The following TSPAN5 variants were observed in gnomAD, a reference collection of about 807,000 sequenced individuals.
TSPAN5 encodes the protein tetraspanin 5.
In TSPAN5, 10 loss-of-function variants were observed where a neutral mutation model predicts 37.1. That is an observed-to-expected ratio of 0.27 (90% CI 0.17 to 0.46). The LOEUF (loss-of-function observed/expected upper bound fraction) is 0.46, where lower values mean the gene tolerates loss of function less well. TSPAN5 is among the 20% of genes least tolerant of loss of function. The probability of loss-of-function intolerance (pLI) is 1.00; values close to 1 mark genes in which losing one functional copy is unlikely to be tolerated. For missense variants in TSPAN5, 195 were observed against 326.6 expected, an observed-to-expected ratio of 0.60 and a Z score of 3.11; for synonymous variants, 110 against 118.9, an observed-to-expected ratio of 0.93 and a Z score of 0.48.
chr4:98,549,278 A>AT (rs1244730180), intron 1 of TSPAN5, among the ~76,000 whole-genome samples: 1 of 142,038 alleles, frequency 7.0e-6, no homozygotes, highest in African/African-American at 2.9e-5. Flanking sequence ...TGGTTGTTTT[A>AT]TTTTTGTTTG....
At position 98,573,475 on chromosome 4, in the gene TSPAN5, A is replaced by T. The variant is rs1755170258; in HGVS notation, c.82-65747T>A. Among the ~76,000 whole-genome samples the T allele has an allele frequency of 2.0e-5, 3 of 152,298 alleles. No individual in the cohort carries two copies. In the South Asian group the frequency reaches 6.2e-4, roughly 32 times the overall value. On this transcript the variant is annotated intron_variant, in intron 1 of 7. Transcript: ENST00000305798. ...GGTCTCGAACTCCTGCGCTCAAGTG[A>T]TCCTCCCATCTTGGCCTCCCAAAGT... is the stretch of plus-strand genomic sequence containing the variant.
intron 2 of TSPAN5, chr4:98,496,756 G>T (rs1753221815): frequency 6.6e-6 from 1 of 152,232 alleles, no homozygotes; most frequent in South Asian, 2.1e-4. Context: ...CAGCCTTTCA[G>T]AAATCACCCA....
chr4:98,656,696 C>T (rs1757301573), intron 1 of TSPAN5, among the ~76,000 whole-genome samples: 1 of 152,148 alleles, frequency 6.6e-6, no homozygotes, highest in African/African-American at 2.4e-5. Context: ...CCCTCATTAT[C>T]TTTATTAGTC....
intron 1 of TSPAN5, among the ~76,000 whole-genome samples, chr4:98,592,573 C>T (rs1345050254): frequency 7.0e-6 from 1 of 143,496 alleles, no homozygotes; most frequent in Admixed American, 6.9e-5. Context: ...TCTCCCAATG[C>T]TATCCCTCCC....
chr4:98,545,663 G>A (rs1754452705), intron 1 of TSPAN5, among the ~76,000 whole-genome samples: 1 of 152,030 alleles, frequency 6.6e-6, no homozygotes, highest in African/African-American at 2.4e-5. Flanking sequence ...TCAAGTAGCT[G>A]TGACTACTGG....
chr4:98,512,264 A>G (rs1334343658), intron 1 of TSPAN5, among the ~76,000 whole-genome samples: 1 of 152,204 alleles, frequency 6.6e-6, no homozygotes, highest in Non-Finnish European at 1.5e-5. Context: ...AAGATCATAA[A>G]GGTGCCTGAG....
At chr4:98,539,958 C>T (rs537232427) in intron 1 of TSPAN5, among the ~76,000 whole-genome samples, 30 of 152,136 alleles carry the variant, frequency 2.0e-4, no homozygotes, top group South Asian at 8.3e-4. Context: ...ATGGCAAGAA[C>T]TGAAGTCTCC....
intron 1 of TSPAN5, among the ~76,000 whole-genome samples, chr4:98,589,448 T>C (rs939834518): frequency 2.7e-4 from 41 of 152,114 alleles, no homozygotes; most frequent in Non-Finnish European, 7.4e-5. Context: ...CCTGTGATGA[T>C]GGCCCTAGCA....
chr4:98,520,668 A>T (rs1230681339), intron 1 of TSPAN5, among the ~76,000 whole-genome samples: 1 of 152,248 alleles, frequency 6.6e-6, no homozygotes. Context: ...CACCTGCTGC[A>T]ATGTCACAAG....
intron 1 of TSPAN5, among the ~76,000 whole-genome samples, chr4:98,534,858 T>G (rs758474401): frequency 6.6e-6 from 1 of 152,090 alleles, no homozygotes; most frequent in East Asian, 1.9e-4. Flanking sequence ...TGTTTGTTTG[T>G]TTGGTTTTGG....
chr4:98,536,586 A>AGCT (rs1754238516), intron 1 of TSPAN5, among the ~76,000 whole-genome samples: 1 of 152,232 alleles, frequency 6.6e-6, no homozygotes, highest in African/African-American at 2.4e-5. Flanking sequence ...AGTCTGCTGA[A>AGCT]GCTGCGCCCA....
At chr4:98,590,113 C>G (rs1430718955) in intron 1 of TSPAN5, among the ~76,000 whole-genome samples, 1 of 152,016 alleles carries the variant, frequency 6.6e-6, no homozygotes, top group Non-Finnish European at 1.5e-5. Flanking sequence ...ACGGCACTAC[C>G]CCCACTTCAA....
intron 1 of TSPAN5, among the ~76,000 whole-genome samples, chr4:98,568,723 G>C (rs937769111): frequency 6.6e-6 from 1 of 152,180 alleles, no homozygotes; most frequent in African/African-American, 2.4e-5. Flanking sequence ...TTGAAATAAA[G>C]ATAGCATACT....
At chr4:98,502,156 G>T (rs1266401310) in intron 2 of TSPAN5, among the ~76,000 whole-genome samples, 1 of 152,196 alleles carries the variant, frequency 6.6e-6, no homozygotes, top group Non-Finnish European at 1.5e-5. Context: ...GGTTGGGAGG[G>T]CATGAGAATC....
intron 1 of TSPAN5, among the ~76,000 whole-genome samples, chr4:98,647,072 T>A (rs773783865): frequency 5.3e-4 from 81 of 152,066 alleles, no homozygotes; most frequent in Non-Finnish European, 1.0e-3. Flanking sequence ...ACACTCAAAG[T>A]CTAAACTCCT....
intron 1 of TSPAN5, among the ~76,000 whole-genome samples, chr4:98,590,316 G>C (rs1246767025): frequency 6.6e-6 from 1 of 152,106 alleles, no homozygotes; most frequent in Admixed American, 6.6e-5. Context: ...TGATGTGCCA[G>C]GCACAACACC....
intron 1 of TSPAN5, among the ~76,000 whole-genome samples, chr4:98,585,611 A>G (rs1755470373): frequency 6.6e-6 from 1 of 152,148 alleles, no homozygotes; most frequent in African/African-American, 2.4e-5. Flanking sequence ...CGCCCAGCCT[A>G]TTATTCCACT....
At position 98,523,946 on chromosome 4, in the gene TSPAN5, T is replaced by C. The variant is rs192006407; in HGVS notation, c.82-16218A>G. Among the ~76,000 whole-genome samples the C allele has an allele frequency of 2.6e-5, 4 of 152,348 alleles. No individual in the cohort carries two copies. The East Asian group carries it at 7.7e-4, about 29-fold the overall frequency. On this transcript the variant is annotated intron_variant, in intron 1 of 7. Coordinates refer to ENST00000305798, the MANE Select transcript of TSPAN5 (RefSeq NM_005723.4). ...TTTCTCTCCCATAAATACAGACTATTGCCTAGCATTCACATAGCATTGATA... is the reference window on the plus strand; with the variant it reads ...TTTCTCTCCCATAAATACAGACTATCGCCTAGCATTCACATAGCATTGATA...
At chr4:98,543,201 T>G (rs1754397724) in intron 1 of TSPAN5, among the ~76,000 whole-genome samples, 1 of 152,234 alleles carries the variant, frequency 6.6e-6, no homozygotes, top group African/African-American at 2.4e-5. Flanking sequence ...CTCTTTGAGC[T>G]AACTGGCCAA....
Sources: allele counts gnomAD v4.1 joint callset (sites outside exome capture counted in the v4.1 genomes callset), GRCh38; gene constraint gnomAD v4.1.1; transcripts MANE v1.5; gene names NCBI Gene and HGNC (gene_info 2026-07-23, HGNC 2026-07-21).